The following TSC22D3 variants were observed in gnomAD, a reference collection of about 807,000 sequenced individuals.
TSC22D3 encodes the protein TSC22 domain family protein 3.
In TSC22D3, 4 loss-of-function variants were observed where a neutral mutation model predicts 11.1. That is an observed-to-expected ratio of 0.36 (90% CI 0.18 to 0.83). The LOEUF (loss-of-function observed/expected upper bound fraction) is 0.83, where lower values mean the gene tolerates loss of function less well. Among genes scored for constraint, TSC22D3 ranks in the 40% least tolerant of loss-of-function variants. The probability of loss-of-function intolerance (pLI) is 0.48; values close to 1 mark genes in which losing one functional copy is unlikely to be tolerated. For synonymous variants in TSC22D3, 77 were observed against 70.3 expected (o/e 1.10, Z -0.48); for missense variants, 118 against 159.4 (o/e 0.74, Z 1.40).
intron 1 of TSC22D3, 29 bp downstream of exon 1, chrX:107,775,071 G>T (rs1423420771): frequency 1.3e-5 from 15 of 1,198,020 alleles, no homozygotes; most frequent in Non-Finnish European, 1.7e-5. Flanking sequence ...AGCAAGGACC[G>T]AGTTGCCGCC....
At chrX:107,750,179 C>A (rs767854941) in intron 1 of TSC22D3, among the ~76,000 whole-genome samples, 1 of 110,663 alleles carries the variant, frequency 9.0e-6, no homozygotes, top group African/African-American at 3.3e-5. Context: ...GATTCAGAAA[C>A]GGGTTAAACA....
At chrX:107,763,495 A>G (rs780983035) in intron 1 of TSC22D3, among the ~76,000 whole-genome samples, 12 of 111,098 alleles carry the variant, frequency 1.1e-4, no homozygotes, top group African/African-American at 1.6e-4. Context: ...CCCAGAAGAA[A>G]GTCTAGCCTC....
At chrX:107,772,547 C>A (rs1438930804) in intron 1 of TSC22D3, among the ~76,000 whole-genome samples, 2 of 111,391 alleles carry the variant, frequency 1.8e-5, no homozygotes, top group Admixed American at 9.6e-5. Flanking sequence ...TCTAAGGTCC[C>A]AATTGTCAAG....
intron 1 of TSC22D3, among the ~76,000 whole-genome samples, chrX:107,750,317 C>T (rs1308372252): frequency 9.2e-6 from 1 of 108,680 alleles, no homozygotes; most frequent in Non-Finnish European, 1.9e-5. Context: ...CAGCACCTTC[C>T]ACCTGTGGTC....
chrX:107,715,228 T>C (rs981417483), intron 2 of TSC22D3, among the ~76,000 whole-genome samples: 23 of 111,972 alleles, frequency 2.1e-4, no homozygotes, highest in Admixed American at 1.1e-3. Context: ...TCTCCTCCCC[T>C]CCATATGACC....
chrX:107,731,701 C>T (rs775364020), intron 1 of TSC22D3, among the ~76,000 whole-genome samples: 4 of 111,598 alleles, frequency 3.6e-5, no homozygotes, highest in Non-Finnish European at 7.5e-5. Context: ...AGTCAAGAGG[C>T]GTTGGCCAAG....
intron 1 of TSC22D3, among the ~76,000 whole-genome samples, chrX:107,749,551 A>G (rs182560338): frequency 3.6e-5 from 4 of 111,142 alleles, no homozygotes; most frequent in Non-Finnish European, 5.7e-5. Flanking sequence ...TTGGCCTCCC[A>G]AAGCACTGGG....
chrX:107,743,072 C>T (rs928757939), intron 1 of TSC22D3, among the ~76,000 whole-genome samples: 4 of 112,407 alleles, frequency 3.6e-5, no homozygotes, highest in Non-Finnish European at 7.5e-5. Context: ...CCAGGATAGC[C>T]CTGGACACTG....
intron 1 of TSC22D3, among the ~76,000 whole-genome samples, chrX:107,720,908 C>T (rs761145678): frequency 1.8e-5 from 2 of 110,839 alleles, no homozygotes; most frequent in East Asian, 5.7e-4. Context: ...TGATCTGATC[C>T]AATATTGAGA....
chrX:107,751,214 AG>A lies in TSC22D3; in HGVS notation c.320+23885del, dbSNP rs777906841. 1.3e-4 allele frequency among the ~76,000 whole-genome samples: 15 copies of A among 112,250 alleles called. No individual in the cohort carries two copies. The East Asian group carries it at 3.7e-3, about 27-fold the overall frequency. Reference sequence around the variant, plus strand: ...CCGGTGTGCTTGGGTGGAGGGGAAGAGGTCGTTATGTTGACCCAGACAGTCT... The same window carrying A: ...CCGGTGTGCTTGGGTGGAGGGGAAGAGTCGTTATGTTGACCCAGACAGTCT... On this transcript the variant is annotated intron_variant, in intron 1 of 2. Transcript: ENST00000372383.
rs1928441990 is a variant in TSC22D3 at position 107,742,281 on chromosome X, A to AGAGAGAG, written c.321-26332_321-26331insCTCTCTC. On this transcript the variant is annotated intron_variant, in intron 1 of 2. Transcript: ENST00000372383. Reference sequence around the variant, plus strand: ...TATTTGAGAGAGAGAGAGAGAGAGAAAGAGAGAGAGAGAGAGAGAGAGAGA... The same window carrying AGAGAGAG: ...TATTTGAGAGAGAGAGAGAGAGAGAAGAGAGAGAGAGAGAGAGAGAGAGAGAGAGAGA... Among the ~76,000 whole-genome samples the AGAGAGAG allele has an allele frequency of 1.0e-3, 59 of 56,814 alleles. 1 individual carries two copies. The highest frequency in any genetic ancestry group is 4.5e-3 in the African/African-American group (57 of 12,595). The allele number at this position is 56,814 out of a possible 115,157, so 49.3% of individuals were successfully genotyped here. A position where few individuals can be genotyped will look rare whatever the true frequency, so the allele number is the denominator to read the frequency against.
intron 1 of TSC22D3, among the ~76,000 whole-genome samples, chrX:107,725,808 C>CG (rs1240308933): frequency 9.1e-6 from 1 of 109,948 alleles, no homozygotes; most frequent in African/African-American, 3.4e-5. Context: ...GGACATGCGG[C>CG]GGGGGAGGGG....
chrX:107,756,516 C>T (rs1929183745), intron 1 of TSC22D3, among the ~76,000 whole-genome samples: 1 of 112,511 alleles, frequency 8.9e-6, no homozygotes, highest in African/African-American at 3.2e-5. Flanking sequence ...ACAGATGGTC[C>T]CCACCGCCAA....
intron 1 of TSC22D3, among the ~76,000 whole-genome samples, chrX:107,724,288 C>A (rs1315512581): frequency 8.9e-6 from 1 of 112,905 alleles, no homozygotes; most frequent in African/African-American, 3.2e-5. Context: ...GAAACAGGGC[C>A]AGCTTCTCCC....
At chrX:107,742,459 C>G (rs1928464724) in intron 1 of TSC22D3, among the ~76,000 whole-genome samples, 1 of 110,797 alleles carries the variant, frequency 9.0e-6, no homozygotes, top group African/African-American at 3.3e-5. Flanking sequence ...GTTGATGCTG[C>G]CTTCTGTGTG....
chrX:107,747,696 C>T (rs1243755250), intron 1 of TSC22D3, among the ~76,000 whole-genome samples: 1 of 113,102 alleles, frequency 8.8e-6, no homozygotes, highest in East Asian at 2.8e-4. Flanking sequence ...GTTGCCGTTG[C>T]TGCTCTGCTA....
intron 1 of TSC22D3, among the ~76,000 whole-genome samples, chrX:107,735,963 A>G: frequency 1.8e-5 from 2 of 111,990 alleles, no homozygotes; most frequent in Non-Finnish European, 3.8e-5. Flanking sequence ...GGAAACTGAA[A>G]TTTGGGTAGA....
intron 1 of TSC22D3, among the ~76,000 whole-genome samples, chrX:107,752,980 A>C (rs1160939893): frequency 8.9e-6 from 1 of 112,061 alleles, no homozygotes; most frequent in African/African-American, 3.2e-5. Context: ...GGCTGCAGGA[A>C]CCAGAGAAGC....
At chrX:107,765,390 G>A (rs1929613216) in intron 1 of TSC22D3, among the ~76,000 whole-genome samples, 1 of 112,165 alleles carries the variant, frequency 8.9e-6, no homozygotes, top group Admixed American at 9.4e-5. Flanking sequence ...CTTGGGTGCA[G>A]CTGCTCCACT....
Sources: gnomAD v4.1 joint callset for allele counts (sites outside exome capture counted in the v4.1 genomes callset) on GRCh38, gnomAD v4.1.1 for gene constraint, MANE v1.5 for transcripts, NCBI Gene and HGNC (gene_info 2026-07-23, HGNC 2026-07-21) for gene names.